USP53: variants seen among roughly 807,000 people sequenced by gnomAD.
USP53 encodes ubiquitin specific peptidase 53.
In USP53, 71 loss-of-function variants were observed where a neutral mutation model predicts 94.9. The observed-to-expected ratio is 0.75, with a 90% CI of 0.62 to 0.91. USP53 has a LOEUF of 0.91. Ranked by LOEUF, USP53 falls within the 40% of genes least tolerant of loss-of-function variation. USP53 has a pLI of 0.00. For synonymous variants in USP53, 375 were observed against 422.7 expected (o/e 0.89, Z 1.39); for missense variants, 1,173 against 1,281.0 (o/e 0.92, Z 1.29).
chr4:119,262,499 T>C (rs1750632526), intron 12 of USP53, among the ~76,000 whole-genome samples: 1 of 139,510 alleles, frequency 7.2e-6, no homozygotes, highest in Non-Finnish European at 1.6e-5. Context: ...ATATATTATA[T>C]ACTGTACTCT....
intron 11 of USP53, among the ~76,000 whole-genome samples, chr4:119,261,369 A>G (rs907114424): frequency 6.6e-6 from 1 of 152,232 alleles, no homozygotes; most frequent in African/African-American, 2.4e-5. Flanking sequence ...ATGAACATTC[A>G]AATATGTGAT....
In USP53 at chr4:119,260,654, G is replaced by A. The variant is rs1369739242; in HGVS notation, c.822+1G>A. ...AGCAACACATCTTTATCTTCCTGGGGTATCTTATCTATTTTCATTCCCTTC... is the reference window on the plus strand; with the variant it reads ...AGCAACACATCTTTATCTTCCTGGGATATCTTATCTATTTTCATTCCCTTC... On this transcript the variant is annotated splice_donor_variant, in intron 11 of 18. Transcript: ENST00000692078. LOFTEE classifies it high-confidence loss of function. 4 of 1,611,706 alleles carry A rather than the reference G, an allele frequency of 2.5e-6. No homozygotes were observed. Among genetic ancestry groups the A allele is most frequent in the South Asian group, 1.1e-5 (1 of 90,702 alleles).
chr4:119,240,141 G>A (rs938371445), intron 5 of USP53, among the ~76,000 whole-genome samples: 3 of 151,802 alleles, frequency 2.0e-5, no homozygotes, highest in East Asian at 3.9e-4. Context: ...TTATTTAAAA[G>A]GTTTATTTAG....
At chr4:119,249,328 G>C (rs897676584) in intron 7 of USP53, among the ~76,000 whole-genome samples, 9 of 152,118 alleles carry the variant, frequency 5.9e-5, no homozygotes. Flanking sequence ...ACACATTCCA[G>C]GTTGAAAATC....
At chr4:119,267,727 T>C (rs892347731) in intron 13 of USP53, among the ~76,000 whole-genome samples, 1 of 152,222 alleles carries the variant, frequency 6.6e-6, no homozygotes, top group Admixed American at 6.5e-5. Context: ...GCTTCATTAG[T>C]AGCTCTTTCT....
intron 17 of USP53, among the ~76,000 whole-genome samples, chr4:119,281,120 A>C (rs1263637231): frequency 1.3e-5 from 2 of 152,232 alleles, no homozygotes; most frequent in Non-Finnish European, 2.9e-5. Flanking sequence ...TGGGATTATT[A>C]TAGGCGATTT....
rs200200777 is a variant in USP53 at position 119,271,577 on chromosome 4, T to G, written c.1717T>G (p.Cys573Gly). Residue 573 changes from cysteine to glycine, a missense_variant, in exon 16 of 19, where the codon TGT becomes GGT. Transcript: ENST00000692078. The stretch of plus-strand genomic sequence containing the variant: ...AGATTCTAGGGATAGAGGAAACAGC[T>G]GTGATAGCAGCAGTAAAAGCCGGAA... ...SQDSRDRGNS[C>G]DSSSKSRNRG... The G allele has an allele frequency of 5.5e-5, 88 of 1,613,674 alleles. No individual in the cohort carries two copies. The African/African-American group carries it at 1.1e-3, about 20-fold the overall frequency.
At chr4:119,221,690 A>G (rs1338420074) in intron 3 of USP53, among the ~76,000 whole-genome samples, 2 of 152,148 alleles carry the variant, frequency 1.3e-5, no homozygotes, top group African/African-American at 4.8e-5. Flanking sequence ...AGATAGCAAC[A>G]GGGCAGAGAG....
At chr4:119,221,411 G>C (rs1307235300) in intron 3 of USP53, 2 of 150,738 alleles carry the variant, frequency 1.3e-5, no homozygotes, top group African/African-American at 4.9e-5. Context: ...TCCAGCCTGG[G>C]TGACAGAGTG....
intron 14 of USP53, 90 bp from the exon 15 acceptor site, chr4:119,269,601 A>G: frequency 1.1e-6 from 1 of 895,536 alleles, no homozygotes; most frequent in Admixed American, 3.3e-5. Flanking sequence ...TTTTAAATAT[A>G]TCTTAACATT....
At chr4:119,274,518 C>G in intron 17 of USP53, among the ~76,000 whole-genome samples, 1 of 151,926 alleles carries the variant, frequency 6.6e-6, no homozygotes, top group Non-Finnish European at 1.5e-5. Flanking sequence ...TGGGTTGGTT[C>G]CAAGTCTTTG....
At position 119,264,900 on chromosome 4, in the gene USP53, C is replaced by T. The variant is rs115418038; in HGVS notation, c.973-2420C>T. 4.3e-3 allele frequency among the ~76,000 whole-genome samples: 653 copies of T among 152,242 alleles called. 4 individuals are homozygous for T. Among genetic ancestry groups the T allele is most frequent in the South Asian group, 0.01 (50 of 4,820 alleles). On this transcript the variant is annotated intron_variant, in intron 12 of 18. Transcript: ENST00000692078. ...CCCAAACTAGAAATGACTCAAATGT[C>T]AGCAATTGGTGAATGGATGAACAAA...
At chr4:119,231,815 G>C (rs1034180496) in intron 3 of USP53, among the ~76,000 whole-genome samples, 1 of 152,234 alleles carries the variant, frequency 6.6e-6, no homozygotes, top group South Asian at 2.1e-4. Flanking sequence ...TTGTGATGAC[G>C]TGTAAAATGT....
At chr4:119,230,424 C>T (rs1745909599) in intron 3 of USP53, among the ~76,000 whole-genome samples, 1 of 152,156 alleles carries the variant, frequency 6.6e-6, no homozygotes, top group South Asian at 2.1e-4. Flanking sequence ...TTCGGGAGAT[C>T]TGGTCATGAG....
chr4:119,225,416 A>G (rs1745103560), intron 3 of USP53, among the ~76,000 whole-genome samples: 1 of 152,210 alleles, frequency 6.6e-6, no homozygotes, highest in South Asian at 2.1e-4. Context: ...ATTAAAGAGG[A>G]GAAAACACTT....
rs192006706 is a variant in USP53, at chr4:119,248,517, G to A, written c.238-231G>A. On this transcript the variant is annotated intron_variant, in intron 6 of 18. Transcript: ENST00000692078. ...CAGTGTCCTCTGAGGGTGGGACCTG[G>A]GAACCCTACATGTTTAATTCTTGTG... Among the ~76,000 whole-genome samples, 56 of 151,046 alleles carry A rather than the reference G, an allele frequency of 3.7e-4. No homozygotes were observed. In the East Asian group the frequency reaches 9.3e-3, roughly 25 times the overall value.
intron 2 of USP53, among the ~76,000 whole-genome samples, chr4:119,216,019 A>T (rs1027739385): frequency 1.3e-5 from 2 of 152,218 alleles, no homozygotes; most frequent in African/African-American, 4.8e-5. Flanking sequence ...AGAAGTATTG[A>T]ATAAACATTA....
At chr4:119,252,401 C>G (rs1749141852) in intron 7 of USP53, among the ~76,000 whole-genome samples, 4 of 152,136 alleles carry the variant, frequency 2.6e-5, no homozygotes, top group Admixed American at 2.6e-4. Flanking sequence ...ATTATTGCCT[C>G]AATTTCAGAA....
chr4:119,286,107 T>C (rs1418563307), intron 17 of USP53, among the ~76,000 whole-genome samples: 1 of 151,840 alleles, frequency 6.6e-6, no homozygotes, highest in Non-Finnish European at 1.5e-5. Context: ...TATCCATAAA[T>C]ATTTATCTAG....
Sources: gnomAD v4.1 joint callset for allele counts (sites outside exome capture counted in the v4.1 genomes callset) on GRCh38, gnomAD v4.1.1 for gene constraint, MANE v1.5 for transcripts, NCBI Gene and HGNC (gene_info 2026-07-23, HGNC 2026-07-21) for gene names.